CRPPA: variants seen among roughly 807,000 people sequenced by gnomAD.
The protein encoded by CRPPA is CDP-L-ribitol pyrophosphorylase A.
Under a neutral mutation model 52.0 loss-of-function variants are expected in CRPPA, and 43 were observed. The observed-to-expected ratio is 0.83, with a 90% CI of 0.65 to 1.07. The LOEUF (loss-of-function observed/expected upper bound fraction) is 1.07, where lower values mean the gene tolerates loss of function less well. CRPPA is among the 50% of genes least tolerant of loss of function. The pLI is 0.00. For missense variants in CRPPA, 629 were observed against 551.7 expected, an observed-to-expected ratio of 1.14 and a Z score of -1.40; for synonymous variants, 250 against 203.5, an observed-to-expected ratio of 1.23 and a Z score of -1.94.
At chr7:16,350,112 TAA>T (rs201005576) in intron 3 of CRPPA, among the ~76,000 whole-genome samples, 8 of 148,596 alleles carry the variant, frequency 5.4e-5, no homozygotes, top group Admixed American at 2.0e-4. Flanking sequence ...TTCAAGAACT[TAA>T]AAAAAAAAAT....
At chr7:16,239,063 G>A (rs554272017) in intron 8 of CRPPA, among the ~76,000 whole-genome samples, 190 of 148,062 alleles carry the variant, frequency 1.3e-3, no homozygotes, top group African/African-American at 3.1e-3. Context: ...TGCTTGAACT[G>A]TGAGGCAGAG....
At chr7:16,173,956 A>G (rs1205522012) in intron 9 of CRPPA, among the ~76,000 whole-genome samples, 2 of 152,196 alleles carry the variant, frequency 1.3e-5, no homozygotes, top group South Asian at 4.1e-4. Context: ...CTGAATTCTT[A>G]CCTAAAACAA....
At chr7:16,300,089 A>G (rs1784762598) in intron 5 of CRPPA, among the ~76,000 whole-genome samples, 1 of 152,222 alleles carries the variant, frequency 6.6e-6, no homozygotes, top group South Asian at 2.1e-4. Flanking sequence ...AAATATGTCA[A>G]GATTTTGATT....
At chr7:16,340,459 A>G (rs1298606920) in intron 3 of CRPPA, among the ~76,000 whole-genome samples, 2 of 152,102 alleles carry the variant, frequency 1.3e-5, no homozygotes, top group African/African-American at 4.8e-5. Flanking sequence ...CCAAAGAGGA[A>G]GTACAAATGT....
At chr7:16,357,166 T>C (rs1786319596) in intron 3 of CRPPA, among the ~76,000 whole-genome samples, 1 of 74,092 alleles carries the variant, frequency 1.3e-5, no homozygotes, top group African/African-American at 5.6e-5. Flanking sequence ...AGGGGATATT[T>C]ATTTATTTAT....
intron 3 of CRPPA, among the ~76,000 whole-genome samples, chr7:16,372,795 C>T (rs1382847281): frequency 1.3e-5 from 2 of 152,148 alleles, no homozygotes; most frequent in Non-Finnish European, 2.9e-5. Context: ...GGAGACTTAC[C>T]TAACACATAA....
At chr7:16,403,983 C>G (rs1787891081) in intron 2 of CRPPA, among the ~76,000 whole-genome samples, 1 of 152,144 alleles carries the variant, frequency 6.6e-6, no homozygotes, top group Non-Finnish European at 1.5e-5. Flanking sequence ...AGCCAGTTTT[C>G]TGTTTTAATT....
intron 5 of CRPPA, among the ~76,000 whole-genome samples, chr7:16,294,815 T>C (rs560519623): frequency 9.2e-5 from 14 of 152,040 alleles, no homozygotes; most frequent in African/African-American, 3.4e-4. Flanking sequence ...AAAAGCCTGA[T>C]GAGAACATAC....
At chr7:16,325,429 G>A (rs1161828295) in intron 3 of CRPPA, among the ~76,000 whole-genome samples, 1 of 152,120 alleles carries the variant, frequency 6.6e-6, no homozygotes, top group African/African-American at 2.4e-5. Context: ...CCAATAACAT[G>A]TCTTTCTTCA....
At chr7:16,192,762 T>C (rs537211963) in intron 9 of CRPPA, among the ~76,000 whole-genome samples, 1 of 152,178 alleles carries the variant, frequency 6.6e-6, no homozygotes, top group Non-Finnish European at 1.5e-5. Context: ...TAGGTAGAGA[T>C]GGAAGCTCAA....
At chr7:16,397,428 G>A (rs985691678) in intron 2 of CRPPA, among the ~76,000 whole-genome samples, 2 of 152,200 alleles carry the variant, frequency 1.3e-5, no homozygotes, top group African/African-American at 4.8e-5. Flanking sequence ...TGACTGACAC[G>A]TGTAACGTGT....
At chr7:16,262,591 C>T (rs568215242) in intron 6 of CRPPA, among the ~76,000 whole-genome samples, 1 of 152,214 alleles carries the variant, frequency 6.6e-6, no homozygotes, top group Admixed American at 6.5e-5. Flanking sequence ...ACAAATTGTA[C>T]TTTTCCTGGT....
intron 5 of CRPPA, among the ~76,000 whole-genome samples, chr7:16,292,506 CT>C (rs1414860366): frequency 1.3e-5 from 2 of 151,940 alleles, no homozygotes; most frequent in African/African-American, 2.4e-5. Flanking sequence ...GCCATCTCCC[CT>C]GAAGGGTGCA....
At chr7:16,389,928 A>AAATATATAT in intron 2 of CRPPA, among the ~76,000 whole-genome samples, 18 of 29,760 alleles carry the variant, frequency 6.0e-4, no homozygotes, top group African/African-American at 2.8e-3. Context: ...AAAAAAAAAA[A>AAATATATAT]ATATATATAT....
chr7:16,201,319 G>A (rs1781849636), intron 9 of CRPPA, among the ~76,000 whole-genome samples: 1 of 152,148 alleles, frequency 6.6e-6, no homozygotes, highest in Non-Finnish European at 1.5e-5. Flanking sequence ...GGAAAACCAA[G>A]CTACCAGTTA....
At chr7:16,291,369 T>C (rs897167502) in intron 5 of CRPPA, among the ~76,000 whole-genome samples, 1 of 151,848 alleles carries the variant, frequency 6.6e-6, no homozygotes, top group African/African-American at 2.4e-5. Flanking sequence ...ATGAAGAAAA[T>C]GTGGCATACT....
At chr7:16,344,405 CAA>C (rs35320924) in intron 3 of CRPPA, among the ~76,000 whole-genome samples, 11 of 99,340 alleles carry the variant, frequency 1.1e-4, no homozygotes, top group African/African-American at 3.4e-4. Context: ...TATCTCTACC[CAA>C]AAAAAAAAAA....
chr7:16,232,292 G>C (rs1487133418), intron 8 of CRPPA, among the ~76,000 whole-genome samples: 1 of 152,174 alleles, frequency 6.6e-6, no homozygotes, highest in Non-Finnish European at 1.5e-5. Flanking sequence ...AGTATTAAGA[G>C]ATAGGGCCTT....
chr7:16,371,182 T>C (rs1295724351), intron 3 of CRPPA, among the ~76,000 whole-genome samples: 1 of 152,130 alleles, frequency 6.6e-6, no homozygotes, highest in Non-Finnish European at 1.5e-5. Flanking sequence ...CCATTGAGTA[T>C]TACATCTACT....
Sources: allele counts gnomAD v4.1 joint callset (sites outside exome capture counted in the v4.1 genomes callset), GRCh38; gene constraint gnomAD v4.1.1; transcripts MANE v1.5; gene names NCBI Gene and HGNC (gene_info 2026-07-23, HGNC 2026-07-21).